The following SLC5A3 variants were observed in gnomAD, a reference collection of about 807,000 sequenced individuals.
SLC5A3 encodes the protein sodium/myo-inositol cotransporter.
SLC5A3 carries 10 observed loss-of-function variants against 43.2 expected under a neutral mutation model. The observed-to-expected ratio is 0.23, with a 90% CI of 0.14 to 0.39. SLC5A3 has a LOEUF of 0.39. Ranked by LOEUF, SLC5A3 falls within the 10% of genes least tolerant of loss-of-function variation. The probability of loss-of-function intolerance (pLI) is 1.00; values close to 1 mark genes in which losing one functional copy is unlikely to be tolerated. For synonymous variants in SLC5A3, 349 were observed against 322.0 expected, an observed-to-expected ratio of 1.08 and a Z score of -0.90; for missense variants, 608 against 893.4, an observed-to-expected ratio of 0.68 and a Z score of 4.07.
Position 34,105,158 on chromosome 21 carries a change from C to G in SLC5A3, c.*7803C>G, listed in dbSNP as rs1443653658. Reference sequence around the variant, plus strand: ...ATGGAATTTGTTCCCTTGCTTTCCCCCACTGTTACTGCTTCAGTTTATAGA... The same window carrying G: ...ATGGAATTTGTTCCCTTGCTTTCCCGCACTGTTACTGCTTCAGTTTATAGA... On this transcript the variant is annotated 3_prime_UTR_variant, in exon 2 of 2. Transcript: ENST00000381151. 7.0e-6 allele frequency: 7 copies of G among 1,000,030 alleles called. No homozygotes were observed. The highest frequency in any genetic ancestry group is 8.4e-6 in the Non-Finnish European group (7 of 829,930). The allele number at this position is 1,000,030 out of a possible 1,614,324, so 61.9% of individuals were successfully genotyped here.
At chr21:34,078,784 A>AG (rs1989392488) in intron 1 of SLC5A3, among the ~76,000 whole-genome samples, 1 of 152,254 alleles carries the variant, frequency 6.6e-6, no homozygotes, top group Non-Finnish European at 1.5e-5. Flanking sequence ...ATGATAAAAT[A>AG]CTGTGTGATT....
Position 34,104,537 on chromosome 21 carries a change from A to C in SLC5A3, c.*7182A>C. ...TTTAGGGAAAGACTTGGTCAACTCTAATATATCTAGAAGGAAGACTATATC... is the reference window on the plus strand; with the variant it reads ...TTTAGGGAAAGACTTGGTCAACTCTCATATATCTAGAAGGAAGACTATATC... On this transcript the variant is annotated 3_prime_UTR_variant, in exon 2 of 2. Coordinates refer to ENST00000381151, the MANE Select transcript of SLC5A3 (RefSeq NM_006933.7). 1.0e-6 allele frequency: 1 copy of C among 997,886 alleles called. No homozygotes were observed. The highest frequency in any genetic ancestry group is 1.2e-6 in the Non-Finnish European group (1 of 827,834). 61.8% of individuals were successfully genotyped at this position (997,886 alleles called of 1,614,324 possible). A position where few individuals can be genotyped will look rare whatever the true frequency, so the allele number is the denominator to read the frequency against.
intron 1 of SLC5A3, among the ~76,000 whole-genome samples, chr21:34,091,495 C>T (rs540798245): frequency 1.3e-5 from 2 of 152,234 alleles, no homozygotes; most frequent in South Asian, 4.1e-4. Flanking sequence ...TAACTAATTA[C>T]ATTTTGGTTA....
chr21:34,103,905 C>A lies in SLC5A3; in HGVS notation c.*6550C>A. 2 of 1,000,052 alleles carry A rather than the reference C, an allele frequency of 2.0e-6. No individual in the cohort carries two copies. Among genetic ancestry groups the A allele is most frequent in the Non-Finnish European group, 2.4e-6 (2 of 829,906 alleles). 61.9% of individuals were successfully genotyped at this position (1,000,052 alleles called of 1,614,324 possible). ...CAACTTGAAACTGGAGAAATAGGGA[C>A]AGATGTCTAGGTTTTTGGTGGGTGG... On this transcript the variant is annotated 3_prime_UTR_variant, in exon 2 of 2. Transcript: ENST00000381151.
Position 34,101,138 on chromosome 21 carries a change from T to C in SLC5A3, c.*3783T>C. 5 of 999,836 alleles carry C rather than the reference T, an allele frequency of 5.0e-6. No individual in the cohort carries two copies. Among genetic ancestry groups the C allele is most frequent in the Non-Finnish European group, 6.0e-6 (5 of 829,896 alleles). The allele number at this position is 999,836 out of a possible 1,614,324, so 61.9% of individuals were successfully genotyped here. ...AAATTTTCCTAAGAAATCAGAAAAA[T>C]GATTAAGTGAGATAAGTACCTGGGT... On this transcript the variant is annotated 3_prime_UTR_variant, in exon 2 of 2. Coordinates refer to ENST00000381151, the MANE Select transcript of SLC5A3 (RefSeq NM_006933.7).
chr21:34,104,562 C>G lies in SLC5A3; in HGVS notation c.*7207C>G. 2.0e-6 allele frequency: 2 copies of G among 998,594 alleles called. No homozygotes were observed. Among genetic ancestry groups the G allele is most frequent in the Non-Finnish European group, 2.4e-6 (2 of 828,540 alleles). The allele number at this position is 998,594 out of a possible 1,614,324, so 61.9% of individuals were successfully genotyped here. On this transcript the variant is annotated 3_prime_UTR_variant, in exon 2 of 2. Coordinates refer to ENST00000381151, the MANE Select transcript of SLC5A3 (RefSeq NM_006933.7). Reference sequence around the variant, plus strand: ...AATATATCTAGAAGGAAGACTATATCTGGTGTAGACTAATATGAGATGTTT... The same window carrying G: ...AATATATCTAGAAGGAAGACTATATGTGGTGTAGACTAATATGAGATGTTT...
At position 34,102,402 on chromosome 21, in the gene SLC5A3, T is replaced by G. The variant is rs529079212; in HGVS notation, c.*5047T>G. 2 of 1,000,074 alleles carry G rather than the reference T, an allele frequency of 2.0e-6. No individual in the cohort carries two copies. Among genetic ancestry groups the G allele is most frequent in the African/African-American group, 3.5e-5 (2 of 57,374 alleles). 62.0% of individuals were successfully genotyped at this position (1,000,074 alleles called of 1,614,324 possible). A position where few individuals can be genotyped will look rare whatever the true frequency, so the allele number is the denominator to read the frequency against. On this transcript the variant is annotated 3_prime_UTR_variant, in exon 2 of 2. Coordinates refer to ENST00000381151, the MANE Select transcript of SLC5A3 (RefSeq NM_006933.7). ...TGTTTCTGTTTCCATCTAAACTTCT[T>G]TATAAAAAGAGGGATTAGTTTTTTT...
rs752822172 is a variant in SLC5A3, at chr21:34,099,561, A to C, written c.*2206A>C. The C allele has an allele frequency of 2.1e-5, 21 of 999,880 alleles. 1 individual carries two copies. The Middle Eastern group carries it at 2.6e-3, about 123-fold the overall frequency. 61.9% of individuals were successfully genotyped at this position (999,880 alleles called of 1,614,324 possible). On this transcript the variant is annotated 3_prime_UTR_variant, in exon 2 of 2. Coordinates refer to ENST00000381151, the MANE Select transcript of SLC5A3 (RefSeq NM_006933.7). ...AATTGACATATTGGCTGGGCAGCCTATCTCTTCCATATCCAGCGTAAATGA... is the reference window on the plus strand; with the variant it reads ...AATTGACATATTGGCTGGGCAGCCTCTCTCTTCCATATCCAGCGTAAATGA...
At chr21:34,079,301 A>G (rs931819070) in intron 1 of SLC5A3, among the ~76,000 whole-genome samples, 1 of 152,148 alleles carries the variant, frequency 6.6e-6, no homozygotes, top group African/African-American at 2.4e-5. Flanking sequence ...GTTTATATTT[A>G]TTATCTAGTC....
chr21:34,095,406 G>C lies in SLC5A3; in HGVS notation c.208G>C (p.Gly70Arg). 1 of 1,614,142 alleles carries C rather than the reference G, an allele frequency of 6.2e-7. No homozygotes were observed. Among genetic ancestry groups the C allele is most frequent in the Non-Finnish European group, 8.5e-7 (1 of 1,180,008 alleles). Reference sequence around the variant, plus strand: ...GAGTGAGCACTTCATTGGGCTGGCAGGATCTGGAGCTGCAAGTGGATTTGC... The same window carrying C: ...GAGTGAGCACTTCATTGGGCTGGCACGATCTGGAGCTGCAAGTGGATTTGC... Reference protein sequence around the residue: ...IGSEHFIGLAGSGAASGFAVG... With the variant: ...IGSEHFIGLARSGAASGFAVG... Residue 70 changes from glycine (G) to arginine (R), a missense_variant, in exon 2 of 2, where the codon GGA becomes CGA. By Grantham distance (125) the Gly-to-Arg change is moderately radical (BLOSUM62 -2). Coordinates refer to ENST00000381151, the MANE Select transcript of SLC5A3 (RefSeq NM_006933.7).
intron 1 of SLC5A3, among the ~76,000 whole-genome samples, chr21:34,090,211 G>A (rs1417637139): frequency 6.6e-6 from 1 of 152,170 alleles, no homozygotes; most frequent in Non-Finnish European, 1.5e-5. Context: ...AGGAAAACCT[G>A]TTTTGCTCTT....
chr21:34,076,234 A>G (rs992893753), intron 1 of SLC5A3, among the ~76,000 whole-genome samples: 1 of 152,188 alleles, frequency 6.6e-6, no homozygotes, highest in Non-Finnish European at 1.5e-5. Context: ...CCTGGAGAGC[A>G]TTCTTAGTCT....
chr21:34,075,660 C>T (rs953759313), intron 1 of SLC5A3, among the ~76,000 whole-genome samples: 4 of 152,200 alleles, frequency 2.6e-5, no homozygotes, highest in African/African-American at 7.2e-5. Flanking sequence ...TGTACAATGG[C>T]GAAGTTATGT....
Position 34,100,547 on chromosome 21 carries a change from C to T in SLC5A3, c.*3192C>T. ...TCCTTTTCACTTGGCTCAAAGGATC[C>T]ATTGTATTTTGGCACAAAGAGCCTG... On this transcript the variant is annotated 3_prime_UTR_variant, in exon 2 of 2. Transcript: ENST00000381151. The T allele has an allele frequency of 3.0e-6, 3 of 1,000,180 alleles. No homozygotes were observed. Among genetic ancestry groups the T allele is most frequent in the Non-Finnish European group, 3.6e-6 (3 of 829,978 alleles). The allele number at this position is 1,000,180 out of a possible 1,614,324, so 62.0% of individuals were successfully genotyped here.
intron 1 of SLC5A3, among the ~76,000 whole-genome samples, chr21:34,074,326 T>C (rs1989269465): frequency 2.6e-5 from 4 of 152,150 alleles, no homozygotes; most frequent in Admixed American, 2.0e-4. Context: ...ATCGCTCTCA[T>C]GTTAAAAAAA....
chr21:34,104,536 T>G lies in SLC5A3; in HGVS notation c.*7181T>G, dbSNP rs968809983. ...TTTTAGGGAAAGACTTGGTCAACTCTAATATATCTAGAAGGAAGACTATAT... is the reference window on the plus strand; with the variant it reads ...TTTTAGGGAAAGACTTGGTCAACTCGAATATATCTAGAAGGAAGACTATAT... On this transcript the variant is annotated 3_prime_UTR_variant, in exon 2 of 2. Coordinates refer to ENST00000381151, the MANE Select transcript of SLC5A3 (RefSeq NM_006933.7). 1.0e-6 allele frequency: 1 copy of G among 997,732 alleles called. No homozygotes were observed. Among genetic ancestry groups the G allele is most frequent in the African/African-American group, 1.7e-5 (1 of 57,186 alleles). The allele number at this position is 997,732 out of a possible 1,614,324, so 61.8% of individuals were successfully genotyped here.
At chr21:34,081,943 A>C (rs375585712) in intron 1 of SLC5A3, among the ~76,000 whole-genome samples, 1 of 152,116 alleles carries the variant, frequency 6.6e-6, no homozygotes, top group African/African-American at 2.4e-5. Context: ...GTTGGTGCTT[A>C]CTACTCTGCT....
At chr21:34,086,674 A>G (rs1378399090) in intron 1 of SLC5A3, among the ~76,000 whole-genome samples, 2 of 152,218 alleles carry the variant, frequency 1.3e-5, no homozygotes, top group African/African-American at 4.8e-5. Flanking sequence ...GGGGATCATT[A>G]TCATGTCTGC....
Position 34,103,311 on chromosome 21 carries a change from G to C in SLC5A3, c.*5956G>C. The stretch of plus-strand genomic sequence containing the variant: ...TTAAATTTTGTCGTAACTAGTGAAG[G>C]AAGTAAAAAAAAAAAAAAAACATGC... On this transcript the variant is annotated 3_prime_UTR_variant, in exon 2 of 2. Coordinates refer to ENST00000381151, the MANE Select transcript of SLC5A3 (RefSeq NM_006933.7). The C allele has an allele frequency of 2.3e-6, 2 of 866,242 alleles. No individual in the cohort carries two copies. The highest frequency in any genetic ancestry group is 2.7e-6 in the Non-Finnish European group (2 of 753,122). The allele number at this position is 866,242 out of a possible 1,614,324, so 53.7% of individuals were successfully genotyped here. A position where few individuals can be genotyped will look rare whatever the true frequency, so the allele number is the denominator to read the frequency against.
Sources: allele counts gnomAD v4.1 joint callset (sites outside exome capture counted in the v4.1 genomes callset), GRCh38; gene constraint gnomAD v4.1.1; transcripts MANE v1.5; gene names NCBI Gene and HGNC (gene_info 2026-07-23, HGNC 2026-07-21).